Variants in SH3KBP1 observed in about 807,000 individuals in gnomAD.
SH3KBP1 encodes the protein SH3 domain-containing kinase-binding protein 1.
In SH3KBP1, 8 loss-of-function variants were observed where a neutral mutation model predicts 50.1. That is an observed-to-expected ratio of 0.16 (90% CI 0.09 to 0.29). SH3KBP1 has a LOEUF of 0.29. Ranked by LOEUF, SH3KBP1 falls within the 10% of genes least tolerant of loss-of-function variation. The probability of loss-of-function intolerance (pLI) is 1.00; values close to 1 mark genes in which losing one functional copy is unlikely to be tolerated. For missense variants in SH3KBP1, 377 were observed against 535.2 expected (o/e 0.70, Z 2.92); for synonymous variants, 227 against 218.6 (o/e 1.04, Z -0.34).
chrX:19,547,973 G>A (rs1353937812), intron 14 of SH3KBP1, among the ~76,000 whole-genome samples: 1 of 112,912 alleles, frequency 8.9e-6, no homozygotes, highest in African/African-American at 3.2e-5. Flanking sequence ...ATATCCTTTT[G>A]TTTTAAGTCT....
intron 8 of SH3KBP1, among the ~76,000 whole-genome samples, chrX:19,625,347 C>T (rs753906663): frequency 1.8e-5 from 2 of 110,137 alleles, no homozygotes; most frequent in Admixed American, 9.7e-5. Flanking sequence ...TTTTTTGCCC[C>T]CCGACAGCGA....
At chrX:19,857,750 G>A (rs2068684607) in intron 1 of SH3KBP1, among the ~76,000 whole-genome samples, 1 of 111,027 alleles carries the variant, frequency 9.0e-6, no homozygotes, top group Admixed American at 9.6e-5. Context: ...AAAAACACCT[G>A]CGTAAACAGA....
At chrX:19,776,100 T>C (rs751746457) in intron 2 of SH3KBP1, among the ~76,000 whole-genome samples, 146 of 111,291 alleles carry the variant, frequency 1.3e-3, no homozygotes, top group Non-Finnish European at 1.7e-3. Context: ...CCAAAAGGAA[T>C]TGGCTACTAC....
Position 19,682,333 on chromosome X carries a change from T to TACACACAC in SH3KBP1, c.726+1482_726+1489dup, listed in dbSNP as rs59044973. 3.4e-3 allele frequency among the ~76,000 whole-genome samples: 255 copies of TACACACAC among 75,898 alleles called. 3 individuals are homozygous for TACACACAC. Among genetic ancestry groups the TACACACAC allele is most frequent in the African/African-American group, 9.6e-3 (201 of 20,947 alleles). The allele number at this position is 75,898 out of a possible 115,157, so 65.9% of individuals were successfully genotyped here. On this transcript the variant is annotated intron_variant, in intron 6 of 17. Coordinates refer to ENST00000397821, the MANE Select transcript of SH3KBP1 (RefSeq NM_031892.3). Reference sequence around the variant, plus strand: ...ATATTAATAGCAATAATAAGAGTCATACACACACACACACACACACACACA... The same window carrying TACACACAC: ...ATATTAATAGCAATAATAAGAGTCATACACACACACACACACACACACACACACACACA...
At chrX:19,874,959 G>T (rs1042139893) in intron 1 of SH3KBP1, among the ~76,000 whole-genome samples, 1 of 106,081 alleles carries the variant, frequency 9.4e-6, no homozygotes, top group African/African-American at 3.5e-5. Flanking sequence ...AAAAGGTAGG[G>T]GGAGAGAGAG....
At chrX:19,765,505 T>C (rs1332157103) in intron 2 of SH3KBP1, among the ~76,000 whole-genome samples, 1 of 111,532 alleles carries the variant, frequency 9.0e-6, no homozygotes, top group African/African-American at 3.3e-5. Context: ...TCTGCTTCTA[T>C]CATCACTAAC....
Position 19,575,187 on chromosome X carries a change from A to T in SH3KBP1, c.1299-5999T>A, listed in dbSNP as rs759102924. On this transcript the variant is annotated intron_variant, in intron 12 of 17. Coordinates refer to ENST00000397821, the MANE Select transcript of SH3KBP1 (RefSeq NM_031892.3). ...ACACAAATGAAAAACAAAGGTGCAA[A>T]TTGCTTGTAGCTACTAGACGCTCTA... is the stretch of plus-strand genomic sequence containing the variant. 1.6e-4 allele frequency among the ~76,000 whole-genome samples: 18 copies of T among 112,747 alleles called. No individual in the cohort carries two copies. The South Asian group carries it at 5.9e-3, about 37-fold the overall frequency.
intron 3 of SH3KBP1, among the ~76,000 whole-genome samples, chrX:19,738,605 C>T (rs1225740002): frequency 9.4e-6 from 1 of 106,130 alleles, no homozygotes; most frequent in Non-Finnish European, 1.9e-5. Context: ...GAATTATAAA[C>T]TCCTCTGCAA....
At chrX:19,808,435 C>T (rs2067115791) in intron 2 of SH3KBP1, among the ~76,000 whole-genome samples, 1 of 110,712 alleles carries the variant, frequency 9.0e-6, no homozygotes. Context: ...CATAGCCTTC[C>T]TCTGCAGAAT....
At chrX:19,570,046 GC>G (rs2065961311) in intron 12 of SH3KBP1, among the ~76,000 whole-genome samples, 1 of 112,069 alleles carries the variant, frequency 8.9e-6, no homozygotes, top group African/African-American at 3.2e-5. Context: ...CCATCTCACC[GC>G]CCCGAAGGCC....
rs187361450 is a variant in SH3KBP1, at chrX:19,853,345, T to C, written c.5-17063A>G. Among the ~76,000 whole-genome samples the C allele has an allele frequency of 5.7e-3, 627 of 110,941 alleles. 5 individuals carry two copies. Among genetic ancestry groups the C allele is most frequent in the African/African-American group, 0.02 (604 of 30,474 alleles). ...TCAGTGGCCTGTGGCAGGACTGATCTAGGGAAAGTGGGGAAGCTCAGTGCC... is the reference window on the plus strand; with the variant it reads ...TCAGTGGCCTGTGGCAGGACTGATCCAGGGAAAGTGGGGAAGCTCAGTGCC... On this transcript the variant is annotated intron_variant, in intron 1 of 17. Coordinates refer to ENST00000397821, the MANE Select transcript of SH3KBP1 (RefSeq NM_031892.3).
intron 12 of SH3KBP1, among the ~76,000 whole-genome samples, chrX:19,569,794 G>A (rs2065951996): frequency 9.0e-6 from 1 of 111,294 alleles, no homozygotes; most frequent in African/African-American, 3.3e-5. Flanking sequence ...TCTGGGCTAG[G>A]AGCAGCTCTA....
intron 6 of SH3KBP1, among the ~76,000 whole-genome samples, chrX:19,654,024 A>G (rs2062206816): frequency 9.0e-6 from 1 of 111,206 alleles, no homozygotes; most frequent in Admixed American, 9.6e-5. Context: ...TACTCTTTCA[A>G]TCTGTCCAAT....
At chrX:19,662,608 G>T (rs888072995) in intron 6 of SH3KBP1, among the ~76,000 whole-genome samples, 3 of 111,139 alleles carry the variant, frequency 2.7e-5, no homozygotes, top group Non-Finnish European at 5.7e-5. Context: ...TTCTCAAATG[G>T]GAGAAAAAAC....
chrX:19,595,657 G>A (rs1327684452), intron 9 of SH3KBP1, among the ~76,000 whole-genome samples: 1 of 109,890 alleles, frequency 9.1e-6, no homozygotes, highest in Non-Finnish European at 1.9e-5. Context: ...GTAGGTGATG[G>A]AGGTAGCAGT....
chrX:19,671,413 CAGA>C (rs2062792247), intron 6 of SH3KBP1, among the ~76,000 whole-genome samples: 1 of 110,398 alleles, frequency 9.1e-6, no homozygotes, highest in Non-Finnish European at 1.9e-5. Context: ...CACACACACA[CAGA>C]AGAAGGAAAA....
At chrX:19,668,706 C>T (rs1179019023) in intron 6 of SH3KBP1, among the ~76,000 whole-genome samples, 3 of 102,414 alleles carry the variant, frequency 2.9e-5, no homozygotes, top group African/African-American at 3.5e-5. Flanking sequence ...AAAAATTAGC[C>T]GGGCATGGTG....
intron 4 of SH3KBP1, among the ~76,000 whole-genome samples, chrX:19,705,183 T>C (rs1471609650): frequency 8.9e-6 from 1 of 112,435 alleles, no homozygotes; most frequent in East Asian, 2.8e-4. Context: ...AAGACTTTTT[T>C]CTCCGTCTGG....
intron 9 of SH3KBP1, among the ~76,000 whole-genome samples, chrX:19,605,173 C>G (rs750336782): frequency 3.6e-5 from 4 of 110,603 alleles, no homozygotes; most frequent in East Asian, 2.8e-4. Flanking sequence ...CTGCCCCCCC[C>G]CAAGACATGA....
Sources: allele counts gnomAD v4.1 joint callset (sites outside exome capture counted in the v4.1 genomes callset), GRCh38; gene constraint gnomAD v4.1.1; transcripts MANE v1.5; gene names NCBI Gene and HGNC (gene_info 2026-07-23, HGNC 2026-07-21).